The following DLGAP1 variants were observed in gnomAD, a reference collection of about 807,000 sequenced individuals.
DLGAP1 encodes the protein disks large-associated protein 1.
A neutral mutation model predicts 90.8 loss-of-function variants in DLGAP1; 11 were observed. The observed-to-expected ratio is 0.12, with a 90% CI of 0.08 to 0.20. The LOEUF (loss-of-function observed/expected upper bound fraction) is 0.20, where lower values mean the gene tolerates loss of function less well. DLGAP1 is among the 10% of genes least tolerant of loss of function. The probability of loss-of-function intolerance (pLI) is 1.00; values close to 1 mark genes in which losing one functional copy is unlikely to be tolerated. For missense variants in DLGAP1, 1,050 were observed against 1,333.8 expected (o/e 0.79, Z 3.31); for synonymous variants, 558 against 540.7 (o/e 1.03, Z -0.44).
intron 1 of DLGAP1, among the ~76,000 whole-genome samples, chr18:4,279,477 T>A (rs903989036): frequency 6.6e-6 from 1 of 152,172 alleles, no homozygotes; most frequent in Non-Finnish European, 1.5e-5. Flanking sequence ...AAAAACCACA[T>A]GGGCTTTAAA....
intron 1 of DLGAP1, among the ~76,000 whole-genome samples, chr18:4,213,381 G>A (rs1170950610): frequency 2.6e-5 from 4 of 152,150 alleles, no homozygotes; most frequent in East Asian, 1.9e-4. Flanking sequence ...AAGTAACATC[G>A]AGTCAGGAGG....
At position 3,526,707 on chromosome 18, in the gene DLGAP1, A is replaced by C. The variant is rs1174796484; in HGVS notation, c.2479+7487T>G. Among the ~76,000 whole-genome samples the C allele has an allele frequency of 1.3e-5, 2 of 152,228 alleles. No individual in the cohort carries two copies. Among genetic ancestry groups the C allele is most frequent in the East Asian group, 3.8e-4 (2 of 5,202 alleles). ...AAACCTGAGCCTATGTTCTTTCCCC[A>C]CAGTGGTAGACTGCATTCCTAGTTG... On this transcript the variant is annotated intron_variant, in intron 10 of 12. Coordinates refer to ENST00000315677, the MANE Select transcript of DLGAP1 (RefSeq NM_004746.4). The surrounding 1 kb of genome is among the most constrained non-coding windows in gnomAD (Gnocchi z 4.7).
intron 9 of DLGAP1, among the ~76,000 whole-genome samples, chr18:3,563,835 C>T (rs2054285855): frequency 6.6e-6 from 1 of 152,096 alleles, no homozygotes; most frequent in Non-Finnish European, 1.5e-5. Flanking sequence ...TTGTTATATC[C>T]TCAAGTTTAG....
chr18:4,262,470 C>T lies in DLGAP1; in HGVS notation c.-266-111183G>A, dbSNP rs376361998. On this transcript the variant is annotated intron_variant, in intron 1 of 12. Coordinates refer to ENST00000315677, the MANE Select transcript of DLGAP1 (RefSeq NM_004746.4). ...CCGTCAGGAATCAGTGGCCACACTG[C>T]GGGACAAATAAAACAAATGAATGCA... 1.2e-4 allele frequency among the ~76,000 whole-genome samples: 18 copies of T among 152,192 alleles called. No homozygotes were observed. In the East Asian group the frequency reaches 1.7e-3, roughly 15 times the overall value.
At chr18:4,251,468 C>T (rs16946317) in intron 1 of DLGAP1, among the ~76,000 whole-genome samples, 9,618 of 152,184 alleles carry the variant, frequency 0.063, 421 homozygotes, top group African/African-American at 0.13. Context: ...AGACAACCCA[C>T]GTACAACAAT....
chr18:3,617,632 A>T (rs1405933579), intron 7 of DLGAP1, among the ~76,000 whole-genome samples: 2 of 150,730 alleles, frequency 1.3e-5, no homozygotes, highest in East Asian at 4.0e-4. Flanking sequence ...TGACACAGAG[A>T]CATGAAGTGA....
intron 7 of DLGAP1, among the ~76,000 whole-genome samples, chr18:3,637,005 T>G (rs2058744135): frequency 6.6e-6 from 1 of 151,918 alleles, no homozygotes; most frequent in Non-Finnish European, 1.5e-5. Context: ...TTACAGGCGT[T>G]AGCCACTGCG....
intron 4 of DLGAP1, among the ~76,000 whole-genome samples, chr18:3,839,040 C>G (rs1429230471): frequency 1.3e-5 from 2 of 152,176 alleles, no homozygotes; most frequent in Non-Finnish European, 2.9e-5. Flanking sequence ...AAATTAATGT[C>G]TATTTCATGC....
intron 1 of DLGAP1, among the ~76,000 whole-genome samples, chr18:4,219,308 A>AT (rs755693243): frequency 1.3e-5 from 2 of 151,320 alleles, no homozygotes; most frequent in South Asian, 2.1e-4. Flanking sequence ...TCCATTGCCC[A>AT]TTTTTTTTGG....
intron 3 of DLGAP1, among the ~76,000 whole-genome samples, chr18:3,949,200 CA>C (rs1301793779): frequency 1.3e-5 from 2 of 152,260 alleles, no homozygotes; most frequent in East Asian, 3.9e-4. Context: ...TTGCCCTTAC[CA>C]AAGGGCTCAC....
intron 5 of DLGAP1, among the ~76,000 whole-genome samples, chr18:3,799,344 G>T: frequency 6.6e-6 from 1 of 152,126 alleles, no homozygotes; most frequent in East Asian, 1.9e-4. Context: ...ACCAGAAAGG[G>T]AGAGGGAAGA....
Position 3,769,196 on chromosome 18 carries a change from T to C in DLGAP1, c.1173-26684A>G, listed in dbSNP as rs191750596. Among the ~76,000 whole-genome samples the C allele has an allele frequency of 3.3e-5, 5 of 152,200 alleles. No homozygotes were observed. The East Asian group carries it at 9.7e-4, about 29-fold the overall frequency. The stretch of plus-strand genomic sequence containing the variant: ...AATGAAAATTAAATTCACAATAAGA[T>C]AGTACTCCACTCCTATCATAATGAC... On this transcript the variant is annotated intron_variant, in intron 5 of 12. Transcript: ENST00000315677.
intron 1 of DLGAP1, among the ~76,000 whole-genome samples, chr18:4,427,552 AC>A (rs1335076037): frequency 6.6e-6 from 1 of 152,160 alleles, no homozygotes; most frequent in East Asian, 1.9e-4. Context: ...AAATCTCAGA[AC>A]CTGAAATTTA....
intron 2 of DLGAP1, among the ~76,000 whole-genome samples, chr18:4,108,468 G>A (rs551821747): frequency 1.3e-5 from 2 of 151,658 alleles, no homozygotes; most frequent in Non-Finnish European, 2.9e-5. Context: ...TGTTATAGGG[G>A]TCTCAGCCAT....
chr18:4,437,446 G>A (rs1169091761), intron 1 of DLGAP1, among the ~76,000 whole-genome samples: 1 of 152,044 alleles, frequency 6.6e-6, no homozygotes, highest in Admixed American at 6.5e-5. Flanking sequence ...AAAATGGTAT[G>A]GTATTTGCAT....
intron 7 of DLGAP1, among the ~76,000 whole-genome samples, chr18:3,632,906 C>A (rs921216101): frequency 6.6e-6 from 1 of 152,098 alleles, no homozygotes; most frequent in African/African-American, 2.4e-5. Context: ...AATTTTAGTA[C>A]CAAGACAAGT....
intron 1 of DLGAP1, among the ~76,000 whole-genome samples, chr18:4,400,300 G>A (rs2144519803): frequency 6.6e-6 from 1 of 152,330 alleles, no homozygotes; most frequent in Admixed American, 6.5e-5. Flanking sequence ...CTGGGGACAA[G>A]GTGACCTGAA....
intron 1 of DLGAP1, among the ~76,000 whole-genome samples, chr18:4,364,664 C>T (rs1446162680): frequency 6.6e-6 from 1 of 151,928 alleles, no homozygotes; most frequent in African/African-American, 2.4e-5. Flanking sequence ...CCTCAGTTCA[C>T]CTCTGATTTT....
intron 6 of DLGAP1, among the ~76,000 whole-genome samples, chr18:3,737,979 AACAG>A (rs2062730133): frequency 6.8e-6 from 1 of 147,970 alleles, no homozygotes; most frequent in South Asian, 2.1e-4. Flanking sequence ...ATACACCAAC[AACAG>A]ACAAACAGAG....
Sources: gnomAD v4.1 joint callset for allele counts (sites outside exome capture counted in the v4.1 genomes callset) on GRCh38, gnomAD v4.1.1 for gene constraint, Gnocchi (gnomAD v3.1) non-coding constraint, MANE v1.5 for transcripts, NCBI Gene and HGNC (gene_info 2026-07-23, HGNC 2026-07-21) for gene names.